CELF2: variants seen among roughly 807,000 people sequenced by gnomAD.
CELF2 encodes the protein CUG triplet repeat RNA-binding protein 2.
Under a neutral mutation model 62.6 loss-of-function variants are expected in CELF2, and 8 were observed. The observed-to-expected ratio is 0.13, with a 90% CI of 0.07 to 0.23. The LOEUF is 0.23. Ranked by LOEUF, CELF2 falls within the 10% of genes least tolerant of loss-of-function variation. The pLI, the probability that CELF2 is intolerant of heterozygous loss-of-function variation, is 1.00. For synonymous variants in CELF2, 258 were observed against 250.0 expected, an observed-to-expected ratio of 1.03 and a Z score of -0.30; for missense variants, 333 against 671.0, an observed-to-expected ratio of 0.50 and a Z score of 5.56.
chr10:10,814,214 T>TAAA (rs759524110), intron 1 of CELF2, among the ~76,000 whole-genome samples: 864 of 44,418 alleles, frequency 0.019, 189 homozygotes, highest in African/African-American at 0.052. Context: ...AGAAGAGTCC[T>TAAA]AAAAAAAAAA....
intron 1 of CELF2, among the ~76,000 whole-genome samples, chr10:10,800,597 C>A (rs2054563997): frequency 6.6e-6 from 1 of 152,092 alleles, no homozygotes. Flanking sequence ...AGGTGATACA[C>A]CCTCTTTGTT....
the CELF2 span, among the ~76,000 whole-genome samples, chr10:10,567,707 C>G: frequency 4.7e-3 from 711 of 152,230 alleles, 3 homozygotes; most frequent in African/African-American, 0.016. Flanking sequence ...CTACCCTGAT[C>G]TTTCACTGGA....
the CELF2 span, among the ~76,000 whole-genome samples, chr10:10,572,950 T>C: frequency 6.6e-6 from 1 of 152,202 alleles, no homozygotes; most frequent in Non-Finnish European, 1.5e-5. Flanking sequence ...TCTTCCACAA[T>C]GGTTGAACTA....
the CELF2 span, among the ~76,000 whole-genome samples, chr10:10,648,345 C>T: frequency 1.3e-5 from 2 of 152,184 alleles, no homozygotes; most frequent in Admixed American, 6.5e-5. Flanking sequence ...GTCTGTCTGC[C>T]TTTACTAGGC....
intron 1 of CELF2, among the ~76,000 whole-genome samples, chr10:11,095,327 T>C (rs946616178): frequency 2.0e-5 from 3 of 152,196 alleles, no homozygotes; most frequent in African/African-American, 7.2e-5. Context: ...GTGGAAGTAG[T>C]GTGGTAGCTG....
the CELF2 span, among the ~76,000 whole-genome samples, chr10:10,501,985 G>A: frequency 6.6e-6 from 1 of 151,950 alleles, no homozygotes; most frequent in African/African-American, 2.4e-5. Flanking sequence ...ATAAGTGATG[G>A]GCAAATGCTT....
the CELF2 span, among the ~76,000 whole-genome samples, chr10:10,512,052 A>G: frequency 2.6e-5 from 4 of 152,236 alleles, no homozygotes; most frequent in Admixed American, 6.5e-5. Flanking sequence ...AGTATATTCC[A>G]GAAGGACTAT....
At chr10:11,164,501 G>T (rs1243663672) in intron 1 of CELF2, among the ~76,000 whole-genome samples, 1 of 152,146 alleles carries the variant, frequency 6.6e-6, no homozygotes, top group African/African-American at 2.4e-5. Context: ...ACTGAAGCTG[G>T]GAGAAGAAAA....
the CELF2 span, among the ~76,000 whole-genome samples, chr10:10,716,448 G>A: frequency 6.6e-6 from 1 of 152,136 alleles, no homozygotes; most frequent in Non-Finnish European, 1.5e-5. Context: ...GGCTGAGGTG[G>A]GAGGATCGCT....
At chr10:11,312,373 T>C (rs2094607942) in intron 9 of CELF2, among the ~76,000 whole-genome samples, 1 of 152,130 alleles carries the variant, frequency 6.6e-6, no homozygotes, top group South Asian at 2.1e-4. Context: ...AAATACGTGG[T>C]ATGAAGAATA....
At chr10:11,208,894 A>G (rs2061095671) in intron 2 of CELF2, among the ~76,000 whole-genome samples, 1 of 152,184 alleles carries the variant, frequency 6.6e-6, no homozygotes, top group Non-Finnish European at 1.5e-5. Flanking sequence ...AACGTTTGCT[A>G]CTTGTAAAAT....
Position 11,329,539 on chromosome 10 carries a change from T to C in CELF2, c.*486T>C, listed in dbSNP as rs1193017750. On this transcript the variant is annotated 3_prime_UTR_variant, in exon 13 of 13. Transcript: ENST00000633077. The surrounding 1 kb of genome is among the most constrained non-coding windows in gnomAD (Gnocchi z 5.5). The stretch of plus-strand genomic sequence containing the variant: ...GGAGGGAGGGCCCGGTGCTTAGAGG[T>C]TAACTTGGTGGCCTAGGAGAGGGAG... The C allele has an allele frequency of 6.6e-6, 1 of 152,556 alleles. No individual in the cohort carries two copies. The highest frequency in any genetic ancestry group is 1.5e-5 in the Non-Finnish European group (1 of 68,032). The allele number at this position is 152,556 out of a possible 1,614,324, so 9.5% of individuals were successfully genotyped here.
At chr10:10,486,766 A>G in the CELF2 span, among the ~76,000 whole-genome samples, 1 of 152,180 alleles carries the variant, frequency 6.6e-6, no homozygotes, top group Non-Finnish European at 1.5e-5. Flanking sequence ...AGTAATCTAG[A>G]TAAACATTCT....
chr10:10,636,292 C>T, the CELF2 span, among the ~76,000 whole-genome samples: 1 of 152,190 alleles, frequency 6.6e-6, no homozygotes, highest in East Asian at 1.9e-4. Flanking sequence ...AAATACCTTC[C>T]TCTCTGTTCT....
chr10:11,036,765 C>T (rs761990107), intron 1 of CELF2, among the ~76,000 whole-genome samples: 2 of 152,126 alleles, frequency 1.3e-5, no homozygotes, highest in Non-Finnish European at 2.9e-5. Flanking sequence ...GCCTCATGGG[C>T]GGCTGAGGGA....
At chr10:10,689,243 G>A in the CELF2 span, among the ~76,000 whole-genome samples, 1 of 152,032 alleles carries the variant, frequency 6.6e-6, no homozygotes, top group Non-Finnish European at 1.5e-5. Context: ...GAAAGGGGAG[G>A]GGGAAGCAAG....
At chr10:10,996,589 C>A (rs566781976) in intron 2 of CELF2, among the ~76,000 whole-genome samples, 1 of 152,310 alleles carries the variant, frequency 6.6e-6, no homozygotes, top group East Asian at 1.9e-4. Flanking sequence ...ATAAAGAATT[C>A]ATGATCTCAT....
intron 2 of CELF2, among the ~76,000 whole-genome samples, chr10:10,980,835 G>T (rs891387786): frequency 5.9e-5 from 9 of 151,972 alleles, no homozygotes; most frequent in African/African-American, 2.2e-4. Context: ...TTCTCTGGCT[G>T]CTCTTGAGCT....
chr10:11,331,301 T>TTCAAAAAAAA lies in CELF2; in HGVS notation c.*2249_*2258dup, dbSNP rs1752171412. The TTCAAAAAAAA allele has an allele frequency of 1.3e-5, 2 of 150,948 alleles. No individual in the cohort carries two copies. The highest frequency in any genetic ancestry group is 4.9e-5 in the African/African-American group (2 of 40,960). 9.4% of individuals were successfully genotyped at this position (150,948 alleles called of 1,614,324 possible). ...TTAATACAAAAAAAAAAAAAAGAAT[T>TTCAAAAAAAA]TCAAAAAAAAAAGTTGTTTGCTTAA... On this transcript the variant is annotated 3_prime_UTR_variant, in exon 13 of 13. Coordinates refer to ENST00000633077, the MANE Select transcript of CELF2 (RefSeq NM_001326342.2).
Sources: gnomAD v4.1 joint callset for allele counts (sites outside exome capture counted in the v4.1 genomes callset) on GRCh38, gnomAD v4.1.1 for gene constraint, Gnocchi (gnomAD v3.1) non-coding constraint, MANE v1.5 for transcripts, NCBI Gene and HGNC (gene_info 2026-07-23, HGNC 2026-07-21) for gene names.